PTGS1: variants seen among roughly 807,000 people sequenced by gnomAD.
PTGS1 encodes the protein prostaglandin-endoperoxide synthase 1, also known as prostaglandin G/H synthase 1.
PTGS1 carries 40 observed loss-of-function variants against 63.0 expected under a neutral mutation model. The ratio of observed to expected loss-of-function variants is 0.63; its 90% CI spans 0.49 to 0.83. The LOEUF is 0.83. Among genes scored for constraint, PTGS1 ranks in the 40% least tolerant of loss-of-function variants. The pLI is 0.00. For missense variants in PTGS1, 709 were observed against 786.5 expected (o/e 0.90, Z 1.18); for synonymous variants, 298 against 301.9 (o/e 0.99, Z 0.13).
At chr9:122,372,523 G>A (rs1049413263) in intron 2 of PTGS1, 23 of 152,326 alleles carry the variant, frequency 1.5e-4, no homozygotes, top group African/African-American at 5.3e-4. Context: ...GTCTACAGAA[G>A]GGGACTCTGA....
chr9:122,389,969 A>G (rs1171446665), intron 9 of PTGS1, among the ~76,000 whole-genome samples: 3 of 151,728 alleles, frequency 2.0e-5, no homozygotes, highest in Non-Finnish European at 2.9e-5. Flanking sequence ...CTAAAAAAAA[A>G]CCCACAAAAA....
chr9:122,382,397 G>T (rs539208463), intron 7 of PTGS1, among the ~76,000 whole-genome samples: 2 of 152,176 alleles, frequency 1.3e-5, no homozygotes, highest in South Asian at 4.2e-4. Context: ...CACTCACAGG[G>T]CATCTCAATT....
rs983216075 is a variant in PTGS1, at chr9:122,393,488, G to C, written c.*944G>C. 1 of 152,168 alleles carries C rather than the reference G, an allele frequency of 6.6e-6. No homozygotes were observed. The highest frequency in any genetic ancestry group is 1.5e-5 in the Non-Finnish European group (1 of 68,062). The allele number at this position is 152,168 out of a possible 1,614,324, so 9.4% of individuals were successfully genotyped here. On this transcript the variant is annotated 3_prime_UTR_variant, in exon 11 of 11. Transcript: ENST00000362012. The stretch of plus-strand genomic sequence containing the variant: ...TACTTCCTTTCTCCCTGCGGGCCAG[G>C]CACTGCCCTTTTCAGGAAGCTCTCT...
chr9:122,371,674 A>G, intron 2 of PTGS1: 13 of 1,459,488 alleles, frequency 8.9e-6, no homozygotes, highest in Non-Finnish European at 1.2e-5. Flanking sequence ...TCCAGCCTCT[A>G]ACCGTCTGGG....
At chr9:122,391,914 G>C (rs527467980) in intron 10 of PTGS1, among the ~76,000 whole-genome samples, 137 of 152,232 alleles carry the variant, frequency 9.0e-4, no homozygotes, top group African/African-American at 3.2e-3. Flanking sequence ...GTTATAGGCT[G>C]TTTGGTGGCA....
chr9:122,375,712 G>A (rs966336765), intron 2 of PTGS1, among the ~76,000 whole-genome samples: 9 of 152,194 alleles, frequency 5.9e-5, no homozygotes, highest in Non-Finnish European at 1.0e-4. Flanking sequence ...GAGGCAAGGC[G>A]TGGGCTCAGC....
chr9:122,375,943 C>A (rs1169163699), intron 2 of PTGS1, among the ~76,000 whole-genome samples: 2 of 152,104 alleles, frequency 1.3e-5, no homozygotes, highest in African/African-American at 2.4e-5. Context: ...TGAGTCCTAG[C>A]GGACCTTGTG....
chr9:122,378,708 G>A (rs925405877), intron 4 of PTGS1, 67 bp from the exon 5 acceptor site: 231 of 1,605,544 alleles, frequency 1.4e-4, no homozygotes, highest in Non-Finnish European at 1.8e-4. Context: ...AACCCAGGAG[G>A]AGGCAAGAAC....
At chr9:122,391,358 C>CATAT (rs5900521) in intron 10 of PTGS1, among the ~76,000 whole-genome samples, 1 of 104,308 alleles carries the variant, frequency 9.6e-6, no homozygotes, top group Non-Finnish European at 1.8e-5. Context: ...TATATATATA[C>CATAT]ATATATATAT....
intron 4 of PTGS1, 100 bp from the exon 5 acceptor site, chr9:122,378,675 T>C (rs1837333411): frequency 5.6e-6 from 9 of 1,601,746 alleles, no homozygotes; most frequent in East Asian, 2.2e-5. Context: ...GGAGAGTCTA[T>C]GATGCCTGAT....
chr9:122,385,056 C>T (rs1167684504), intron 8 of PTGS1, among the ~76,000 whole-genome samples: 4 of 152,142 alleles, frequency 2.6e-5, no homozygotes, highest in African/African-American at 9.7e-5. Flanking sequence ...CTCCCGGGTT[C>T]GAGCAATTCT....
Position 122,381,367 on chromosome 9 carries a change from C to G in PTGS1, c.497-4C>G. 6.2e-7 allele frequency: 1 copy of G among 1,613,626 alleles called. No homozygotes were observed. The highest frequency in any genetic ancestry group is 8.5e-7 in the Non-Finnish European group (1 of 1,179,730). The stretch of plus-strand genomic sequence containing the variant: ...GCTACTGCTGTTTCCTACCCCCCAA[C>G]CAGGGAAGAAGCAGTTGCCAGATGC... On this transcript the variant is annotated splice_polypyrimidine_tract_variant and splice_region_variant and intron_variant, in intron 5 of 10. Coordinates refer to ENST00000362012, the MANE Select transcript of PTGS1 (RefSeq NM_000962.4).
At chr9:122,384,621 A>G (rs1837760553) in intron 8 of PTGS1, among the ~76,000 whole-genome samples, 1 of 152,140 alleles carries the variant, frequency 6.6e-6, no homozygotes, top group Admixed American at 6.5e-5. Flanking sequence ...TGAGCCGGGT[A>G]TGATTACCCT....
chr9:122,376,839 G>A (rs1035370859), intron 2 of PTGS1, among the ~76,000 whole-genome samples: 1 of 152,182 alleles, frequency 6.6e-6, no homozygotes, highest in Non-Finnish European at 1.5e-5. Flanking sequence ...GGGGGTGATG[G>A]TGGATCCTAC....
Position 122,381,394 on chromosome 9 carries a change from C to T in PTGS1, c.520C>T (p.Gln174Ter). Residue 174 changes from glutamine to a stop codon, truncating the protein, a stop_gained, in exon 6 of 11, where the codon CAG becomes TAG. Coordinates refer to ENST00000362012, the MANE Select transcript of PTGS1 (RefSeq NM_000962.4). LOFTEE classifies it high-confidence loss of function. Reference sequence around the variant, plus strand: ...AGGGAAGAAGCAGTTGCCAGATGCCCAGCTCCTGGCCCGCCGCTTCCTGCT... The same window carrying T: ...AGGGAAGAAGCAGTTGCCAGATGCCTAGCTCCTGGCCCGCCGCTTCCTGCT... ...TKGKKQLPDA[Q>*]LLARRFLLRR... 3.7e-6 allele frequency: 6 copies of T among 1,614,068 alleles called. No homozygotes were observed. The highest frequency in any genetic ancestry group is 5.1e-6 in the Non-Finnish European group (6 of 1,180,000).
At chr9:122,378,072 C>A (rs1837282177) in intron 3 of PTGS1, 57 bp downstream of exon 3, 1 of 1,493,982 alleles carries the variant, frequency 6.7e-7, no homozygotes, top group Non-Finnish European at 9.3e-7. Flanking sequence ...GCTCCCCGGG[C>A]CCTTTCTCCT....
Position 122,390,310 on chromosome 9 carries a change from G to A in PTGS1, c.1409G>A (p.Gly470Asp), listed in dbSNP as rs1838134870. ...TTCAATGAGTACCGCAAGAGGTTTG[G>A]CATGAAACCCTACACCTCCTTCCAG... ...QPFNEYRKRF[G>D]MKPYTSFQEL... Residue 470 changes from glycine (G) to aspartate (D), a missense_variant, in exon 10 of 11, where the codon GGC becomes GAC. Gly to Asp is a moderately conservative substitution (Grantham distance 94). Transcript: ENST00000362012. 3.7e-6 allele frequency: 6 copies of A among 1,614,062 alleles called. No individual in the cohort carries two copies. Among genetic ancestry groups the A allele is most frequent in the Non-Finnish European group, 5.1e-6 (6 of 1,180,034 alleles).
rs1163227100 is a variant in PTGS1 at position 122,380,482 on chromosome 9, T to A, written c.497-889T>A. On this transcript the variant is annotated intron_variant, in intron 5 of 10. Transcript: ENST00000362012. ...CCTGTCTCAAAAATAAATAAATAAA[T>A]AAATAAATAAATAAATAAATAAATA... 1.2e-3 allele frequency among the ~76,000 whole-genome samples: 168 copies of A among 144,796 alleles called. 1 individual carries two copies. The highest frequency in any genetic ancestry group is 3.8e-3 in the African/African-American group (149 of 39,196). The allele number at this position is 144,796 out of a possible 152,430, so 95.0% of individuals were successfully genotyped here. A position where few individuals can be genotyped will look rare whatever the true frequency, so the allele number is the denominator to read the frequency against.
chr9:122,378,097 T>G, intron 3 of PTGS1, 82 bp downstream of exon 3: 2 of 1,267,552 alleles, frequency 1.6e-6, no homozygotes, highest in Non-Finnish European at 2.3e-6. Flanking sequence ...CCTAACTTCC[T>G]ACCCTCCTCT....
Sources: allele counts gnomAD v4.1 joint callset (sites outside exome capture counted in the v4.1 genomes callset), GRCh38; gene constraint gnomAD v4.1.1; transcripts MANE v1.5; gene names NCBI Gene and HGNC (gene_info 2026-07-23, HGNC 2026-07-21).